GGCX: variants seen among roughly 807,000 people sequenced by gnomAD.
The protein encoded by GGCX is gamma-glutamyl carboxylase.
GGCX carries 63 observed loss-of-function variants against 88.5 expected under a neutral mutation model. The observed-to-expected ratio is 0.71, with a 90% CI of 0.58 to 0.88. GGCX has a LOEUF of 0.88. Ranked by LOEUF, GGCX falls within the 40% of genes least tolerant of loss-of-function variation. The probability of loss-of-function intolerance (pLI) is 0.00; values close to 1 mark genes in which losing one functional copy is unlikely to be tolerated. For missense variants in GGCX, 805 were observed against 932.9 expected (o/e 0.86, Z 1.79); for synonymous variants, 368 against 365.8 (o/e 1.01, Z -0.07).
chr2:85,553,455 C>G lies in GGCX; in HGVS notation c.932G>C (p.Cys311Ser), dbSNP rs369862766. 33 of 1,613,780 alleles carry G rather than the reference C, an allele frequency of 2.0e-5. No homozygotes were observed. Among genetic ancestry groups the G allele is most frequent in the Admixed American group, 1.2e-4 (7 of 60,004 alleles). Residue 311 changes from cysteine to serine, a missense_variant, in exon 8 of 15, where the codon TGC becomes TCC. Transcript: ENST00000233838. ...CAGCTTCCGAGGCCACTCAGGGGAG[C>G]AGAAGAGAGGGCTGCTGGCCAGCAT... ...YVMLASSPLF[C>S]SPEWPRKLVS...
chr2:85,549,777 T>C lies in GGCX; in HGVS notation c.*157A>G, dbSNP rs1198771306. 7 of 649,052 alleles carry C rather than the reference T, an allele frequency of 1.1e-5. No individual in the cohort carries two copies. The highest frequency in any genetic ancestry group is 1.9e-5 in the Non-Finnish European group (7 of 366,506). The allele number at this position is 649,052 out of a possible 1,614,324, so 40.2% of individuals were successfully genotyped here. Reference sequence around the variant, plus strand: ...TTATTTGCTTTATTTCCTTGGTTCCTCTAAGTTGTAATCTCGGAGTTAAAA... The same window carrying C: ...TTATTTGCTTTATTTCCTTGGTTCCCCTAAGTTGTAATCTCGGAGTTAAAA... On this transcript the variant is annotated 3_prime_UTR_variant, in exon 15 of 15. Coordinates refer to ENST00000233838, the MANE Select transcript of GGCX (RefSeq NM_000821.7).
intron 6 of GGCX, chr2:85,554,537 T>G: frequency 1.8e-6 from 1 of 562,652 alleles, no homozygotes; most frequent in South Asian, 1.9e-5. Flanking sequence ...ATGATCATGG[T>G]GCACTGTAGC....
rs190910259 is a variant in GGCX, at chr2:85,546,934, T to A, written c.*3000A>T. On this transcript the variant is annotated 3_prime_UTR_variant, in exon 15 of 15. Transcript: ENST00000233838. Reference sequence around the variant, plus strand: ...GATAGGTGCCTCCAAGTTGGTAGAATAGCATGAGAAGTTTTCAAAAGTAAC... The same window carrying A: ...GATAGGTGCCTCCAAGTTGGTAGAAAAGCATGAGAAGTTTTCAAAAGTAAC... The A allele has an allele frequency of 6.6e-6, 1 of 152,212 alleles. No individual in the cohort carries two copies. Among genetic ancestry groups the A allele is most frequent in the Admixed American group, 6.5e-5 (1 of 15,278 alleles). 9.4% of individuals were successfully genotyped at this position (152,212 alleles called of 1,614,324 possible). A position where few individuals can be genotyped will look rare whatever the true frequency, so the allele number is the denominator to read the frequency against.
intron 5 of GGCX, 53 bp downstream of exon 5, chr2:85,556,128 AT>A: frequency 1.8e-6 from 2 of 1,085,148 alleles, no homozygotes; most frequent in South Asian, 2.5e-5. Flanking sequence ...TGGGATGGCC[AT>A]GCTGACCACA....
At position 85,547,319 on chromosome 2, in the gene GGCX, G is replaced by A. The variant is rs1358836123; in HGVS notation, c.*2615C>T. 6.6e-6 allele frequency: 1 copy of A among 152,104 alleles called. No homozygotes were observed. The highest frequency in any genetic ancestry group is 1.5e-5 in the Non-Finnish European group (1 of 68,012). The allele number at this position is 152,104 out of a possible 1,614,324, so 9.4% of individuals were successfully genotyped here. Reference sequence around the variant, plus strand: ...GGAGGATGTATACTAAAGTCTTTTGGCTAAAAGGACATTGATAGCCCATTT... The same window carrying A: ...GGAGGATGTATACTAAAGTCTTTTGACTAAAAGGACATTGATAGCCCATTT... On this transcript the variant is annotated 3_prime_UTR_variant, in exon 15 of 15. Transcript: ENST00000233838.
intron 1 of GGCX, 84 bp from the exon 2 acceptor site, chr2:85,561,069 G>A: frequency 8.3e-7 from 1 of 1,209,232 alleles, no homozygotes; most frequent in Non-Finnish European, 1.2e-6. Flanking sequence ...ACAGCTCAGA[G>A]CTTCCGCCCA....
At chr2:85,555,699 A>G in intron 5 of GGCX, 109 bp from the exon 6 acceptor site, 1 of 713,404 alleles carries the variant, frequency 1.4e-6, no homozygotes. Flanking sequence ...CATGCTCCTG[A>G]GTTACAGTCC....
intron 1 of GGCX, 114 bp from the exon 2 acceptor site, chr2:85,561,099 G>A: frequency 1.1e-6 from 1 of 912,370 alleles, no homozygotes; most frequent in Non-Finnish European, 1.8e-6. Flanking sequence ...GCTCAATGAG[G>A]TTGCCTCAAT....
At position 85,545,931 on chromosome 2, in the gene GGCX, A is replaced by C. The variant is rs1691641359; in HGVS notation, c.*4003T>G. 1 of 152,244 alleles carries C rather than the reference A, an allele frequency of 6.6e-6. No individual in the cohort carries two copies. 9.4% of individuals were successfully genotyped at this position (152,244 alleles called of 1,614,324 possible). A position where few individuals can be genotyped will look rare whatever the true frequency, so the allele number is the denominator to read the frequency against. ...AAATGCTATAAATTTCCAAAGGCTT[A>C]AATTTCATTTATGGCAGGTTGTGTA... On this transcript the variant is annotated 3_prime_UTR_variant, in exon 15 of 15. Transcript: ENST00000233838.
At chr2:85,558,417 C>T (rs1477150388) in intron 4 of GGCX, 23 bp downstream of exon 4, 1 of 1,607,206 alleles carries the variant, frequency 6.2e-7, no homozygotes, top group Non-Finnish European at 8.5e-7. Context: ...CAACCCCTCC[C>T]CTTTGTCCCC....
At chr2:85,559,744 T>C (rs1023144706) in intron 2 of GGCX, among the ~76,000 whole-genome samples, 1 of 151,096 alleles carries the variant, frequency 6.6e-6, no homozygotes, top group African/African-American at 2.4e-5. Flanking sequence ...AGAAAGAAAG[T>C]GCTCTGGGAG....
Position 85,558,535 on chromosome 2 carries a change from AT to A in GGCX, c.443del (p.Tyr148LeufsTer24). Reference sequence around the variant, plus strand: ...ATGATGTCTTGTCCAGGAGAAACACATACCAGTATGGCAGCAGGAATAACAC... The same window carrying A: ...ATGATGTCTTGTCCAGGAGAAACACAACCAGTATGGCAGCAGGAATAACAC... The part of the protein sequence containing the change: ...SCVLFLLPYW[Y>X]VFLLDKTSWN... On this transcript the variant is annotated frameshift_variant, in exon 4 of 15. Coordinates refer to ENST00000233838, the MANE Select transcript of GGCX (RefSeq NM_000821.7). LOFTEE classifies it high-confidence loss of function. 1 of 1,613,072 alleles carries A rather than the reference AT, an allele frequency of 6.2e-7. No homozygotes were observed.
At position 85,549,907 on chromosome 2, in the gene GGCX, A is replaced by G. The variant is rs376768197; in HGVS notation, c.*27T>C. On this transcript the variant is annotated 3_prime_UTR_variant, in exon 15 of 15. Coordinates refer to ENST00000233838, the MANE Select transcript of GGCX (RefSeq NM_000821.7). The stretch of plus-strand genomic sequence containing the variant: ...AATGGGTCTGTGACTGGCTGCTTCT[A>G]CATCTGCACCCAACATCTGGCCCCC... The G allele has an allele frequency of 1.3e-6, 2 of 1,489,372 alleles. No individual in the cohort carries two copies. The highest frequency in any genetic ancestry group is 1.9e-6 in the Non-Finnish European group (2 of 1,071,406). The allele number at this position is 1,489,372 out of a possible 1,614,324, so 92.3% of individuals were successfully genotyped here. A position where few individuals can be genotyped will look rare whatever the true frequency, so the allele number is the denominator to read the frequency against.
At chr2:85,552,676 G>C in intron 9 of GGCX, 109 bp from the exon 10 acceptor site, 1 of 1,166,702 alleles carries the variant, frequency 8.6e-7, no homozygotes, top group Non-Finnish European at 1.3e-6. Flanking sequence ...ATTCTGGCTA[G>C]AAAAAAATGG....
chr2:85,554,311 A>ATC lies in GGCX; in HGVS notation c.726-6_726-5insGA, dbSNP rs1217389963. On this transcript the variant is annotated splice_region_variant and splice_polypyrimidine_tract_variant and intron_variant, in intron 6 of 14. Transcript: ENST00000233838. Reference sequence around the variant, plus strand: ...AGCTCCTCAGACAACAGCAGTCTGCAAACACATGGAGAAAGTTCAAGCACC... The same window carrying ATC: ...AGCTCCTCAGACAACAGCAGTCTGCATCAACACATGGAGAAAGTTCAAGCACC... The ATC allele has an allele frequency of 1.2e-6, 2 of 1,613,576 alleles. No individual in the cohort carries two copies. Among genetic ancestry groups the ATC allele is most frequent in the Non-Finnish European group, 1.7e-6 (2 of 1,179,650 alleles).
At position 85,552,552 on chromosome 2, in the gene GGCX, G is replaced by A. The variant is rs1692008345; in HGVS notation, c.1303C>T (p.Arg435Trp). Residue 435 changes from arginine (R) to tryptophan (W), a missense_variant, in exon 10 of 15, where the codon CGG (arginine) becomes TGG (tryptophan). Coordinates refer to ENST00000233838, the MANE Select transcript of GGCX (RefSeq NM_000821.7). Reference protein sequence around the residue: ...YLNPGVFTQSRRWKDHADMLK... With the variant: ...YLNPGVFTQSWRWKDHADMLK... ...ATGTCTGCATGATCCTTCCATCGCC[G>A]ACTCTGTGTAAATACCTGCCCCAAA... is the stretch of plus-strand genomic sequence containing the variant. The A allele has an allele frequency of 4.3e-6, 7 of 1,613,534 alleles. No individual in the cohort carries two copies. The highest frequency in any genetic ancestry group is 5.1e-6 in the Non-Finnish European group (6 of 1,179,950).
chr2:85,554,444 C>T, intron 6 of GGCX, 138 bp from the exon 7 acceptor site: 2 of 689,342 alleles, frequency 2.9e-6, no homozygotes, highest in Non-Finnish European at 5.2e-6. Context: ...GAAGACACTC[C>T]TCTAGGTTGT....
intron 10 of GGCX, 36 bp downstream of exon 10, chr2:85,552,380 C>G (rs1250711755): frequency 6.3e-7 from 1 of 1,598,412 alleles, no homozygotes; most frequent in Admixed American, 1.7e-5. Context: ...AAGAACTGTG[C>G]TTCATTTTTT....
Position 85,558,615 on chromosome 2 carries a change from G to C in GGCX, c.374-10C>G, listed in dbSNP as rs1692305661. On this transcript the variant is annotated splice_polypyrimidine_tract_variant and intron_variant, in intron 3 of 14. Coordinates refer to ENST00000233838, the MANE Select transcript of GGCX (RefSeq NM_000821.7). ...ATCATGCCCAGTGCCCCTGGGATTT[G>C]TAGGGAGAGGATTAAGAGGTCAAGA... is the stretch of plus-strand genomic sequence containing the variant. 2 of 1,609,476 alleles carry C rather than the reference G, an allele frequency of 1.2e-6. No homozygotes were observed. The highest frequency in any genetic ancestry group is 1.7e-6 in the Non-Finnish European group (2 of 1,175,756).
Sources: gnomAD v4.1 joint callset for allele counts (sites outside exome capture counted in the v4.1 genomes callset) on GRCh38, gnomAD v4.1.1 for gene constraint, MANE v1.5 for transcripts, NCBI Gene and HGNC (gene_info 2026-07-23, HGNC 2026-07-21) for gene names.